DRC11: variants seen among roughly 807,000 people sequenced by gnomAD.
The protein encoded by DRC11 is dynein regulatory complex subunit 11, also known as IQ and AAA domain-containing protein 1.
the DRC11 span, among the ~76,000 whole-genome samples, chr2:236,500,071 C>A: frequency 6.8e-6 from 1 of 147,586 alleles, no homozygotes; most frequent in Non-Finnish European, 1.5e-5. This position sits in a 1 kb window ranked among gnomAD's most constrained non-coding sequence, Gnocchi z 6.3. Flanking sequence ...GTTTGCAAGA[C>A]TTTTGGGTTC....
chr2:236,312,136 A>T, the DRC11 span, among the ~76,000 whole-genome samples: 88 of 152,266 alleles, frequency 5.8e-4, no homozygotes, highest in South Asian at 0.018. Flanking sequence ...CTCCCTAAGG[A>T]CATATAGAGA....
chr2:236,398,240 C>T, the DRC11 span, among the ~76,000 whole-genome samples: 20 of 152,318 alleles, frequency 1.3e-4, no homozygotes, highest in African/African-American at 4.6e-4. The surrounding 1 kb of genome is among the most constrained non-coding windows in gnomAD (Gnocchi z 6.2). Context: ...CCAGTGTCAT[C>T]GTGTCCCCCA....
At chr2:236,460,363 A>G in the DRC11 span, among the ~76,000 whole-genome samples, 1 of 152,218 alleles carries the variant, frequency 6.6e-6, no homozygotes, top group Admixed American at 6.5e-5. This position sits in a 1 kb window ranked among gnomAD's most constrained non-coding sequence, Gnocchi z 4.0. Context: ...GCGTGCTCCC[A>G]GGATGATATC....
the DRC11 span, among the ~76,000 whole-genome samples, chr2:236,387,180 C>A: frequency 1.3e-5 from 2 of 148,276 alleles, no homozygotes; most frequent in African/African-American, 2.5e-5. Context: ...CTATTAGGTC[C>A]GCTTGGTGCA....
the DRC11 span, among the ~76,000 whole-genome samples, chr2:236,365,776 C>G: frequency 1.3e-5 from 2 of 152,062 alleles, no homozygotes; most frequent in African/African-American, 4.8e-5. The surrounding 1 kb of genome is among the most constrained non-coding windows in gnomAD (Gnocchi z 7.4). Context: ...TGGCTGACCT[C>G]AGGGAGGACA....
chr2:236,350,415 C>T, the DRC11 span, among the ~76,000 whole-genome samples: 2 of 152,220 alleles, frequency 1.3e-5, no homozygotes, highest in Admixed American at 6.5e-5. This position sits in a 1 kb window ranked among gnomAD's most constrained non-coding sequence, Gnocchi z 5.2. Context: ...AGACAGAGAA[C>T]GCTTCCCAAG....
the DRC11 span, among the ~76,000 whole-genome samples, chr2:236,355,902 ACTAG>A: frequency 6.6e-6 from 1 of 152,078 alleles, no homozygotes; most frequent in Non-Finnish European, 1.5e-5. Context: ...TGACACCTGG[ACTAG>A]CTGTCTACAC....
the DRC11 span, among the ~76,000 whole-genome samples, chr2:236,480,302 T>G: frequency 6.6e-6 from 1 of 152,170 alleles, no homozygotes; most frequent in African/African-American, 2.4e-5. Flanking sequence ...AAATGTTTTC[T>G]GTTATTATTT....
the DRC11 span, among the ~76,000 whole-genome samples, chr2:236,311,796 G>A: frequency 1.3e-5 from 2 of 151,680 alleles, no homozygotes; most frequent in African/African-American, 4.8e-5. This position sits in a 1 kb window ranked among gnomAD's most constrained non-coding sequence, Gnocchi z 6.9. Context: ...GCCTGGACAT[G>A]CAATCCTAGG....
the DRC11 span, among the ~76,000 whole-genome samples, chr2:236,451,200 A>G: frequency 2.0e-5 from 3 of 152,112 alleles, no homozygotes; most frequent in Non-Finnish European, 4.4e-5. Context: ...TGTATTACCA[A>G]TAATTTATAT....
the DRC11 span, among the ~76,000 whole-genome samples, chr2:236,311,205 T>G: frequency 2.0e-5 from 3 of 152,270 alleles, no homozygotes; most frequent in East Asian, 5.8e-4. The surrounding 1 kb of genome is among the most constrained non-coding windows in gnomAD (Gnocchi z 6.9). Context: ...CAATGAGATC[T>G]CCCCACCCTT....
At chr2:236,308,069 C>A in the DRC11 span, among the ~76,000 whole-genome samples, 18 of 152,124 alleles carry the variant, frequency 1.2e-4, no homozygotes, top group East Asian at 3.5e-3. The surrounding 1 kb of genome is among the most constrained non-coding windows in gnomAD (Gnocchi z 6.0). Context: ...ACGCAGGCGT[C>A]CTCATGCGCT....
chr2:236,407,709 C>G, the DRC11 span: 1 of 265,392 alleles, frequency 3.8e-6, no homozygotes, highest in Non-Finnish European at 7.4e-6. Flanking sequence ...ATCATTTCCC[C>G]CCTGTGATCC....
the DRC11 span, among the ~76,000 whole-genome samples, chr2:236,311,824 A>G: frequency 6.6e-6 from 1 of 151,890 alleles, no homozygotes; most frequent in Non-Finnish European, 1.5e-5. This position sits in a 1 kb window ranked among gnomAD's most constrained non-coding sequence, Gnocchi z 6.9. Context: ...GTGTGACAGG[A>G]TGCTAAGCCA....
chr2:236,358,955 C>T, the DRC11 span, among the ~76,000 whole-genome samples: 1 of 151,138 alleles, frequency 6.6e-6, no homozygotes, highest in Non-Finnish European at 1.5e-5. Context: ...AGCGGGTCTG[C>T]TGGGAATATC....
chr2:236,495,307 C>A, the DRC11 span, among the ~76,000 whole-genome samples: 4 of 152,174 alleles, frequency 2.6e-5, no homozygotes, highest in African/African-American at 9.7e-5. This position sits in a 1 kb window ranked among gnomAD's most constrained non-coding sequence, Gnocchi z 5.6. Flanking sequence ...TGCACCATTG[C>A]ACTCCAGCCT....
chr2:236,452,661 G>A, the DRC11 span, among the ~76,000 whole-genome samples: 3 of 152,200 alleles, frequency 2.0e-5, no homozygotes, highest in African/African-American at 7.2e-5. The surrounding 1 kb of genome is among the most constrained non-coding windows in gnomAD (Gnocchi z 4.7). Flanking sequence ...AGTGTTATGC[G>A]AAGCAAGGCA....
At chr2:236,325,208 A>G in the DRC11 span, among the ~76,000 whole-genome samples, 3 of 152,200 alleles carry the variant, frequency 2.0e-5, no homozygotes, top group African/African-American at 7.2e-5. The surrounding 1 kb of genome is among the most constrained non-coding windows in gnomAD (Gnocchi z 4.4). Context: ...GAAATAATGG[A>G]GCCCAAATAC....
the DRC11 span, among the ~76,000 whole-genome samples, chr2:236,505,243 G>A: frequency 1.3e-5 from 2 of 152,290 alleles, no homozygotes; most frequent in East Asian, 1.9e-4. Context: ...TTCCTATAAC[G>A]GAGTGGGTAG....
Sources: gnomAD v4.1 joint callset for allele counts (sites outside exome capture counted in the v4.1 genomes callset) on GRCh38, gnomAD v4.1.1 for gene constraint, Gnocchi (gnomAD v3.1) non-coding constraint, MANE v1.5 for transcripts, NCBI Gene and HGNC (gene_info 2026-07-23, HGNC 2026-07-21) for gene names.